The following SGCZ variants were observed in gnomAD, a reference collection of about 807,000 sequenced individuals.
The protein encoded by SGCZ is sarcoglycan zeta.
In SGCZ, 40 loss-of-function variants were observed where a neutral mutation model predicts 41.3. The observed-to-expected ratio is 0.97, with a 90% CI of 0.75 to 1.26. SGCZ has a LOEUF of 1.26. Ranked by LOEUF, SGCZ falls within the 50% of genes most tolerant of loss-of-function variation. The probability of loss-of-function intolerance (pLI) is 0.00; values close to 1 mark genes in which losing one functional copy is unlikely to be tolerated. For synonymous variants in SGCZ, 206 were observed against 137.5 expected (o/e 1.50, Z -3.49); for missense variants, 552 against 369.8 (o/e 1.49, Z -4.04).
At chr8:14,359,176 A>G (rs1585403655) in intron 2 of SGCZ, among the ~76,000 whole-genome samples, 1 of 152,284 alleles carries the variant, frequency 6.6e-6, no homozygotes, top group East Asian at 1.9e-4. Flanking sequence ...GTACGTGAAG[A>G]TAATTTATAA....
At position 15,195,890 on chromosome 8, in the gene SGCZ, ATTTTTTTT is replaced by A. The variant is rs10548247; in HGVS notation, c.39+41687_39+41694del. Among the ~76,000 whole-genome samples, 3 of 73,150 alleles carry A rather than the reference ATTTTTTTT, an allele frequency of 4.1e-5. 1 individual carries two copies. Among genetic ancestry groups the A allele is most frequent in the East Asian group, 3.6e-4 (1 of 2,812 alleles). 48.0% of individuals were successfully genotyped at this position (73,150 alleles called of 152,430 possible). A position where few individuals can be genotyped will look rare whatever the true frequency, so the allele number is the denominator to read the frequency against. On this transcript the variant is annotated intron_variant, in intron 1 of 7. Transcript: ENST00000382080. ...GGGTTTTATACATCCTTAGGCTTCG[ATTTTTTTT>A]TTTTTTTTTTTTTTTTTGAGACGGA...
chr8:14,256,013 T>A (rs1376397851), intron 3 of SGCZ, among the ~76,000 whole-genome samples: 1 of 152,162 alleles, frequency 6.6e-6, no homozygotes, highest in Admixed American at 6.6e-5. Flanking sequence ...TCGAGGAACA[T>A]GCCTAAAAAC....
At chr8:14,623,146 A>G (rs1175503572) in intron 1 of SGCZ, among the ~76,000 whole-genome samples, 2 of 152,178 alleles carry the variant, frequency 1.3e-5, no homozygotes, top group Admixed American at 1.3e-4. Context: ...ATTTTTTAAG[A>G]TTTAAAAGCA....
At chr8:15,038,521 G>A (rs1202186488) in intron 1 of SGCZ, among the ~76,000 whole-genome samples, 3 of 151,302 alleles carry the variant, frequency 2.0e-5, no homozygotes, top group Admixed American at 1.3e-4. Context: ...AAAAAACAAG[G>A]GAAAATTTCT....
At chr8:14,171,700 TTTC>T (rs1160467507) in intron 4 of SGCZ, among the ~76,000 whole-genome samples, 1 of 152,014 alleles carries the variant, frequency 6.6e-6, no homozygotes, top group Non-Finnish European at 1.5e-5. Flanking sequence ...GTTTCTATCT[TTTC>T]TTGAGTACCT....
At chr8:14,360,328 T>C (rs1563279017) in intron 2 of SGCZ, among the ~76,000 whole-genome samples, 3 of 151,956 alleles carry the variant, frequency 2.0e-5, no homozygotes, top group African/African-American at 7.3e-5. Context: ...TCCAAAAATT[T>C]GTAATTTTTT....
At chr8:14,441,651 C>T (rs77082189) in intron 2 of SGCZ, among the ~76,000 whole-genome samples, 140 of 152,270 alleles carry the variant, frequency 9.2e-4, no homozygotes, top group African/African-American at 3.3e-3. Context: ...CAAGGCTTTT[C>T]AGATTCATAT....
At chr8:14,287,702 T>C (rs1367663594) in intron 3 of SGCZ, among the ~76,000 whole-genome samples, 1 of 152,102 alleles carries the variant, frequency 6.6e-6, no homozygotes, top group East Asian at 1.9e-4. Context: ...CAAAAGTTCT[T>C]CAGGTTCCCC....
intron 2 of SGCZ, among the ~76,000 whole-genome samples, chr8:14,495,679 C>T (rs554244735): frequency 2.0e-5 from 3 of 152,166 alleles, no homozygotes; most frequent in Non-Finnish European, 2.9e-5. Context: ...AAAGACCAAA[C>T]CCTCATTACA....
At chr8:14,762,928 G>C (rs1475605835) in intron 1 of SGCZ, among the ~76,000 whole-genome samples, 1 of 152,158 alleles carries the variant, frequency 6.6e-6, no homozygotes, top group Non-Finnish European at 1.5e-5. Flanking sequence ...GGCATTATTA[G>C]TTGTATGAAC....
intron 2 of SGCZ, among the ~76,000 whole-genome samples, chr8:14,347,542 C>A (rs949687089): frequency 1.3e-5 from 2 of 149,228 alleles, no homozygotes; most frequent in Non-Finnish European, 3.0e-5. Context: ...TTACCACAGA[C>A]TTTGTATTTA....
intron 3 of SGCZ, among the ~76,000 whole-genome samples, chr8:14,268,097 T>TAA (rs58131914): frequency 1 from 150,931 of 150,972 alleles, 75,445 homozygotes; most frequent in Middle Eastern, 1. Flanking sequence ...GCAAATTTGC[T>TAA]GTTTCAGTGA....
intron 1 of SGCZ, among the ~76,000 whole-genome samples, chr8:14,994,370 G>C (rs1395465371): frequency 2.0e-5 from 3 of 152,110 alleles, no homozygotes; most frequent in Admixed American, 2.0e-4. Context: ...GATTGCCTGA[G>C]CTCAGGAGTT....
At chr8:14,800,168 T>C (rs1259392669) in intron 1 of SGCZ, among the ~76,000 whole-genome samples, 1 of 152,022 alleles carries the variant, frequency 6.6e-6, no homozygotes. Context: ...CTTTTTTTCA[T>C]GGCACACTAT....
At chr8:15,209,913 G>C (rs539023426) in intron 1 of SGCZ, among the ~76,000 whole-genome samples, 1 of 152,162 alleles carries the variant, frequency 6.6e-6, no homozygotes, top group East Asian at 1.9e-4. Context: ...ATGAGCATAG[G>C]ATGTAATTTT....
chr8:15,114,878 G>A (rs1248144474), intron 1 of SGCZ, among the ~76,000 whole-genome samples: 1 of 151,824 alleles, frequency 6.6e-6, no homozygotes, highest in African/African-American at 2.4e-5. Flanking sequence ...TAAATCCAGA[G>A]AGTGTCATTC....
At chr8:15,011,944 T>C (rs998488975) in intron 1 of SGCZ, among the ~76,000 whole-genome samples, 3 of 152,206 alleles carry the variant, frequency 2.0e-5, no homozygotes, top group Non-Finnish European at 2.9e-5. Context: ...TATCTAATTT[T>C]GGCATAATTT....
At chr8:14,859,483 AT>A (rs1442462443) in intron 1 of SGCZ, among the ~76,000 whole-genome samples, 8 of 152,180 alleles carry the variant, frequency 5.3e-5, no homozygotes, top group African/African-American at 1.9e-4. Flanking sequence ...TCAGGGACAC[AT>A]TGGACTCTTC....
At chr8:14,282,847 CTTTTT>C (rs1168778028) in intron 3 of SGCZ, among the ~76,000 whole-genome samples, 1 of 89,930 alleles carries the variant, frequency 1.1e-5, no homozygotes, top group African/African-American at 4.6e-5. Context: ...CTTTCAAATA[CTTTTT>C]TTTTTTTTTT....
Sources: allele counts gnomAD v4.1 joint callset (sites outside exome capture counted in the v4.1 genomes callset), GRCh38; gene constraint gnomAD v4.1.1; transcripts MANE v1.5; gene names NCBI Gene and HGNC (gene_info 2026-07-23, HGNC 2026-07-21).